The following UBR3 variants were observed in gnomAD, a reference collection of about 807,000 sequenced individuals.
The protein encoded by UBR3 is ubiquitin protein ligase E3 component n-recognin 3.
A neutral mutation model predicts 243.2 loss-of-function variants in UBR3; 85 were observed. That is an observed-to-expected ratio of 0.35 (90% CI 0.29 to 0.42). The LOEUF (loss-of-function observed/expected upper bound fraction) is 0.42, where lower values mean the gene tolerates loss of function less well. UBR3 is among the 10% of genes least tolerant of loss of function. The pLI, the probability that UBR3 is intolerant of heterozygous loss-of-function variation, is 1.00. For missense variants in UBR3, 1,686 were observed against 2,300.8 expected (o/e 0.73, Z 5.47); for synonymous variants, 748 against 799.8 (o/e 0.94, Z 1.09).
At chr2:169,976,221 T>C (rs1480077068) in intron 24 of UBR3, among the ~76,000 whole-genome samples, 3 of 152,072 alleles carry the variant, frequency 2.0e-5, no homozygotes, top group African/African-American at 2.4e-5. Context: ...TGTTAATTGT[T>C]TTCTGGTTGT....
At chr2:169,866,758 G>A (rs1259339264) in intron 1 of UBR3, among the ~76,000 whole-genome samples, 1 of 152,176 alleles carries the variant, frequency 6.6e-6, no homozygotes, top group African/African-American at 2.4e-5. Flanking sequence ...GGCAGATGTG[G>A]AAAATAGTAT....
At chr2:169,852,108 A>T (rs73024446) in intron 1 of UBR3, among the ~76,000 whole-genome samples, 6,572 of 152,242 alleles carry the variant, frequency 0.043, 164 homozygotes, top group Middle Eastern at 0.068. Flanking sequence ...ATAGATGGGC[A>T]CATAGAATTT....
chr2:169,881,444 G>A (rs2083821001), intron 5 of UBR3, among the ~76,000 whole-genome samples: 1 of 151,906 alleles, frequency 6.6e-6, no homozygotes. Flanking sequence ...CTCCCAAAGT[G>A]CTGGGATTAT....
chr2:170,041,195 A>T (rs2090960237), intron 32 of UBR3, among the ~76,000 whole-genome samples: 1 of 152,178 alleles, frequency 6.6e-6, no homozygotes, highest in African/African-American at 2.4e-5. Context: ...AGAGAAAGAG[A>T]AGTAAATACA....
chr2:169,965,529 A>G (rs2087766345), intron 24 of UBR3, among the ~76,000 whole-genome samples: 1 of 152,160 alleles, frequency 6.6e-6, no homozygotes, highest in African/African-American at 2.4e-5. Flanking sequence ...ACACAATAAT[A>G]AAATAGAACA....
intron 1 of UBR3, among the ~76,000 whole-genome samples, chr2:169,829,636 G>T (rs1263032559): frequency 2.0e-5 from 3 of 151,988 alleles, no homozygotes; most frequent in Non-Finnish European, 2.9e-5. Context: ...TGTCGGTCAG[G>T]CTAGTCCCGA....
chr2:170,066,747 C>T (rs566022668), intron 35 of UBR3, among the ~76,000 whole-genome samples: 1 of 152,094 alleles, frequency 6.6e-6, no homozygotes, highest in African/African-American at 2.4e-5. Context: ...TGGGCGATCA[C>T]AAGGTCAGGA....
chr2:169,928,042 G>A (rs914098051), intron 17 of UBR3, among the ~76,000 whole-genome samples: 16 of 152,104 alleles, frequency 1.1e-4, no homozygotes, highest in Non-Finnish European at 1.2e-4. Flanking sequence ...ACTATGTTTG[G>A]AAGAATTGGC....
intron 5 of UBR3, among the ~76,000 whole-genome samples, chr2:169,879,777 T>C (rs1234114756): frequency 6.6e-6 from 1 of 152,196 alleles, no homozygotes; most frequent in Non-Finnish European, 1.5e-5. Context: ...TTTAAAAAAC[T>C]TATGTAAATG....
At chr2:169,871,628 G>A (rs1303724537) in intron 1 of UBR3, among the ~76,000 whole-genome samples, 1 of 151,248 alleles carries the variant, frequency 6.6e-6, no homozygotes, top group East Asian at 1.9e-4. Context: ...CACACCTGTA[G>A]TCCCAGCTAC....
intron 1 of UBR3, among the ~76,000 whole-genome samples, chr2:169,841,585 G>T (rs1030601329): frequency 6.6e-6 from 1 of 152,234 alleles, no homozygotes; most frequent in African/African-American, 2.4e-5. Flanking sequence ...GGGCCAGCTG[G>T]AGTTCCGGGT....
intron 16 of UBR3, 55 bp downstream of exon 16, chr2:169,927,026 C>G: frequency 6.6e-7 from 1 of 1,523,078 alleles, no homozygotes; most frequent in Non-Finnish European, 8.9e-7. Flanking sequence ...CCCTTTCTCC[C>G]CCTCCCTGTG....
chr2:170,066,993 T>TAATAATAATAATAATAAAAAA (rs71006067), intron 35 of UBR3, among the ~76,000 whole-genome samples: 71 of 144,274 alleles, frequency 4.9e-4, no homozygotes, highest in South Asian at 2.2e-3. Context: ...ATAATAATAA[T>TAATAATAATAATAATAAAAAA]AAACTTCATT....
chr2:169,912,967 G>T (rs1257016364), intron 10 of UBR3, among the ~76,000 whole-genome samples: 1 of 151,870 alleles, frequency 6.6e-6, no homozygotes, highest in Non-Finnish European at 1.5e-5. Flanking sequence ...AAATTTTTTC[G>T]CAGAGACAGA....
chr2:169,895,084 T>C, intron 6 of UBR3, 97 bp from the exon 7 acceptor site: 1 of 1,215,894 alleles, frequency 8.2e-7, no homozygotes, highest in Non-Finnish European at 1.1e-6. Context: ...TTTTAACTTT[T>C]AGATACTTTC....
chr2:169,836,067 ATTTTT>A lies in UBR3; in HGVS notation c.545+8037_545+8041del, dbSNP rs60845808. 6.7e-3 allele frequency among the ~76,000 whole-genome samples: 220 copies of A among 32,666 alleles called. 7 individuals are homozygous for A. Among genetic ancestry groups the A allele is most frequent in the African/African-American group, 9.1e-3 (76 of 8,388 alleles). The allele number at this position is 32,666 out of a possible 152,430, so 21.4% of individuals were successfully genotyped here. On this transcript the variant is annotated intron_variant, in intron 1 of 38. Transcript: ENST00000272793. Reference sequence around the variant, plus strand: ...TCTATATATATATATATATATATATATTTTTTTTTTTTTTTTTTTTTTTTTTGAGA... The same window carrying A: ...TCTATATATATATATATATATATATATTTTTTTTTTTTTTTTTTTTTGAGA...
chr2:169,916,393 C>G (rs982145839), intron 11 of UBR3, among the ~76,000 whole-genome samples: 4 of 152,026 alleles, frequency 2.6e-5, no homozygotes, highest in African/African-American at 7.2e-5. Flanking sequence ...GCCTCTCTTT[C>G]CCCTGCATGG....
At chr2:170,067,701 C>T (rs1574475654) in intron 35 of UBR3, among the ~76,000 whole-genome samples, 1 of 151,506 alleles carries the variant, frequency 6.6e-6, no homozygotes, top group Non-Finnish European at 1.5e-5. Context: ...GATAGAAAAT[C>T]ATCAAATCTG....
intron 18 of UBR3, among the ~76,000 whole-genome samples, chr2:169,931,508 A>C (rs1036233246): frequency 3.3e-5 from 5 of 152,198 alleles, no homozygotes; most frequent in African/African-American, 9.6e-5. Flanking sequence ...AACAATGGTT[A>C]ACAGTGTCTT....
Sources: gnomAD v4.1 joint callset for allele counts (sites outside exome capture counted in the v4.1 genomes callset) on GRCh38, gnomAD v4.1.1 for gene constraint, MANE v1.5 for transcripts, NCBI Gene and HGNC (gene_info 2026-07-23, HGNC 2026-07-21) for gene names.